WDR72: variants seen among roughly 807,000 people sequenced by gnomAD.
WDR72 encodes the protein WD repeat domain 72, also known as WD repeat-containing protein 72.
Under a neutral mutation model 124.2 loss-of-function variants are expected in WDR72, and 120 were observed. That is an observed-to-expected ratio of 0.97 (90% CI 0.83 to 1.12). The LOEUF is 1.12. Among genes scored for constraint, WDR72 ranks in the 50% most tolerant of loss-of-function variants. WDR72 has a pLI of 0.00. For missense variants in WDR72, 1,387 were observed against 1,278.8 expected, an observed-to-expected ratio of 1.08 and a Z score of -1.29; for synonymous variants, 452 against 441.7, an observed-to-expected ratio of 1.02 and a Z score of -0.29.
chr15:53,699,706 A>T lies in WDR72; in HGVS notation c.1765+44T>A, dbSNP rs200348450. 12 of 1,597,136 alleles carry T rather than the reference A, an allele frequency of 7.5e-6. No homozygotes were observed. The East Asian group carries it at 2.5e-4, about 33-fold the overall frequency. On this transcript the variant is annotated intron_variant, in intron 13 of 19. Transcript: ENST00000360509. ...TTTCCATCTGGTCAAATGCTTGTAC[A>T]TCATAAATATATAAAGAATGAAAGG...
chr15:53,562,907 A>T (rs1383751751), intron 18 of WDR72, among the ~76,000 whole-genome samples: 1 of 151,836 alleles, frequency 6.6e-6, no homozygotes, highest in African/African-American at 2.4e-5. Flanking sequence ...AAGGTCTTCT[A>T]TGCCTTGTGT....
At chr15:53,583,003 C>G (rs1398908624) in intron 18 of WDR72, among the ~76,000 whole-genome samples, 2 of 151,942 alleles carry the variant, frequency 1.3e-5, no homozygotes, top group South Asian at 2.1e-4. Flanking sequence ...TAAAATATAT[C>G]ATTTTTTATA....
intron 14 of WDR72, among the ~76,000 whole-genome samples, chr15:53,639,583 A>ATATATAATTTTATTTATTT (rs1595812703): frequency 4.6e-5 from 3 of 65,166 alleles, no homozygotes; most frequent in South Asian, 6.6e-4. Context: ...GTTATAAATT[A>ATATATAATTTTATTTATTT]AAAATTATAT....
In WDR72 at chr15:53,656,883, A is replaced by C. The variant is rs2015437639; in HGVS notation, c.1962+8689T>G. The stretch of plus-strand genomic sequence containing the variant: ...TGAATTTGGACCCCAATAAATAATA[A>C]CCTCTTTAAGTAGGTGGGATAGGGT... On this transcript the variant is annotated intron_variant, in intron 14 of 19. Coordinates refer to ENST00000360509, the MANE Select transcript of WDR72 (RefSeq NM_182758.4). 2.0e-5 allele frequency among the ~76,000 whole-genome samples: 3 copies of C among 152,094 alleles called. No individual in the cohort carries two copies. In the South Asian group the frequency reaches 6.2e-4, roughly 31 times the overall value.
intron 13 of WDR72, among the ~76,000 whole-genome samples, chr15:53,675,725 A>G (rs2016149794): frequency 6.6e-6 from 1 of 152,172 alleles, no homozygotes. Flanking sequence ...TCTGGTGTCA[A>G]TTAATTTAAT....
At chr15:53,586,165 AG>A (rs1284692981) in intron 18 of WDR72, among the ~76,000 whole-genome samples, 2 of 152,014 alleles carry the variant, frequency 1.3e-5, no homozygotes, top group African/African-American at 4.8e-5. Context: ...AAAGAGGTAG[AG>A]TGATTTGATG....
intron 3 of WDR72, among the ~76,000 whole-genome samples, chr15:53,720,177 ATTTCT>A: frequency 6.6e-6 from 1 of 151,918 alleles, no homozygotes; most frequent in African/African-American, 2.4e-5. Flanking sequence ...TTTATTTTTT[ATTTCT>A]TTTGTCTATT....
chr15:53,600,246 C>T (rs1032670746), intron 17 of WDR72, among the ~76,000 whole-genome samples: 2 of 152,036 alleles, frequency 1.3e-5, no homozygotes, highest in Non-Finnish European at 2.9e-5. Flanking sequence ...TTGAGTCTCT[C>T]TCTATAAATG....
intron 2 of WDR72, among the ~76,000 whole-genome samples, chr15:53,731,577 T>C (rs1011579331): frequency 2.6e-5 from 4 of 151,196 alleles, no homozygotes; most frequent in Admixed American, 6.6e-5. Flanking sequence ...CGGAGGAAAA[T>C]TGCTCCCTGT....
chr15:53,642,506 AG>A (rs2014891063), intron 14 of WDR72, among the ~76,000 whole-genome samples: 1 of 152,070 alleles, frequency 6.6e-6, no homozygotes, highest in Admixed American at 6.6e-5. Flanking sequence ...TCATAATAAT[AG>A]AGCCTAACAC....
At chr15:53,561,874 G>C (rs576377812) in intron 18 of WDR72, among the ~76,000 whole-genome samples, 1 of 151,886 alleles carries the variant, frequency 6.6e-6, no homozygotes, top group East Asian at 1.9e-4. Context: ...TGTGCATCCA[G>C]AGATGGGACC....
chr15:53,686,579 CAAAG>C (rs1017907696), intron 13 of WDR72, among the ~76,000 whole-genome samples: 6 of 151,634 alleles, frequency 4.0e-5, no homozygotes, highest in African/African-American at 1.5e-4. Context: ...GAGTGACCTA[CAAAG>C]AGACTTAGAC....
chr15:53,694,210 T>C (rs1270494437), intron 13 of WDR72, among the ~76,000 whole-genome samples: 1 of 152,194 alleles, frequency 6.6e-6, no homozygotes, highest in East Asian at 1.9e-4. Context: ...CCATGGTCTG[T>C]GCAGAGATCT....
At chr15:53,593,767 G>GA (rs145370455) in intron 18 of WDR72, among the ~76,000 whole-genome samples, 28 of 137,314 alleles carry the variant, frequency 2.0e-4, no homozygotes, top group Non-Finnish European at 2.6e-4. Flanking sequence ...GTGTCAAAAA[G>GA]AAAAAAAAAA....
At chr15:53,729,799 C>T (rs905300285) in intron 2 of WDR72, among the ~76,000 whole-genome samples, 4 of 141,762 alleles carry the variant, frequency 2.8e-5, no homozygotes, top group African/African-American at 1.1e-4. Context: ...ATGGCTATTA[C>T]AAAAAAAAAA....
chr15:53,590,521 C>A (rs1202661534), intron 18 of WDR72, among the ~76,000 whole-genome samples: 1 of 151,960 alleles, frequency 6.6e-6, no homozygotes, highest in Admixed American at 6.6e-5. Context: ...TTGTAATCCT[C>A]AACTGGGTAA....
At chr15:53,538,512 T>A (rs548241053) in intron 18 of WDR72, among the ~76,000 whole-genome samples, 4 of 152,314 alleles carry the variant, frequency 2.6e-5, no homozygotes, top group African/African-American at 9.6e-5. Flanking sequence ...TACTTGTTAT[T>A]AACATTCTTC....
At chr15:53,663,021 A>C (rs1190389781) in intron 14 of WDR72, among the ~76,000 whole-genome samples, 1 of 151,470 alleles carries the variant, frequency 6.6e-6, no homozygotes, top group Admixed American at 6.6e-5. Flanking sequence ...GTGGGCTATG[A>C]TCGTGCCACT....
In WDR72 at chr15:53,722,613, CA is replaced by C. The variant is rs2017908505; in HGVS notation, c.260+188del. Among the ~76,000 whole-genome samples the C allele has an allele frequency of 1.3e-5, 2 of 152,146 alleles. 1 individual carries two copies. The highest frequency in any genetic ancestry group is 4.1e-4 in the South Asian group (2 of 4,826). ...GCAACAAGAGTATTGAGTGAGGGTTCATAATACTGATTACATTCCTTGGGAT... is the reference window on the plus strand; with the variant it reads ...GCAACAAGAGTATTGAGTGAGGGTTCTAATACTGATTACATTCCTTGGGAT... On this transcript the variant is annotated intron_variant, in intron 3 of 19. Transcript: ENST00000360509.
Sources: gnomAD v4.1 joint callset for allele counts (sites outside exome capture counted in the v4.1 genomes callset) on GRCh38, gnomAD v4.1.1 for gene constraint, MANE v1.5 for transcripts, NCBI Gene and HGNC (gene_info 2026-07-23, HGNC 2026-07-21) for gene names.